The following GPR39 variants were observed in gnomAD, a reference collection of about 807,000 sequenced individuals.
GPR39 encodes the protein G protein-coupled receptor 39.
In GPR39, 23 loss-of-function variants were observed where a neutral mutation model predicts 18.4. That is an observed-to-expected ratio of 1.25 (90% confidence interval 0.90 to 1.77). The LOEUF (loss-of-function observed/expected upper bound fraction) is 1.77. Ranked by LOEUF, GPR39 falls within the 40% of genes most tolerant of loss-of-function variation. The pLI is 0.00. For missense variants in GPR39, 647 were observed against 602.4 expected (o/e 1.07, Z -0.78); for synonymous variants, 280 against 257.9 (o/e 1.09, Z -0.82).
chr2:132,517,581 G>A (rs1452677421), intron 1 of GPR39, among the ~76,000 whole-genome samples: 1 of 152,164 alleles, frequency 6.6e-6, no homozygotes, highest in Non-Finnish European at 1.5e-5. Flanking sequence ...AGTTATAAGG[G>A]AGGAAAGAGA....
intron 1 of GPR39, among the ~76,000 whole-genome samples, chr2:132,510,306 C>G (rs1340606354): frequency 1.3e-5 from 2 of 152,074 alleles, no homozygotes; most frequent in African/African-American, 4.8e-5. Context: ...AGCAAGAGAC[C>G]ACAGAAGCCT....
intron 1 of GPR39, among the ~76,000 whole-genome samples, chr2:132,440,897 G>A (rs763765279): frequency 1.1e-4 from 16 of 152,192 alleles, no homozygotes; most frequent in Non-Finnish European, 1.9e-4. Flanking sequence ...TGTGTGGTGG[G>A]GGTGCTCAGA....
rs573752051 is a variant in GPR39, at chr2:132,464,850, C to T, written c.856+46952C>T. On this transcript the variant is annotated intron_variant, in intron 1 of 1. Transcript: ENST00000329321. The stretch of plus-strand genomic sequence containing the variant: ...CTCTTGGAGACTCTAGCATATTAGT[C>T]TTGTTCTCTTACACGTTTTGTCTTC... 1.6e-4 allele frequency among the ~76,000 whole-genome samples: 25 copies of T among 152,298 alleles called. No homozygotes were observed. In the South Asian group the frequency reaches 5.0e-3, roughly 30 times the overall value.
intron 1 of GPR39, among the ~76,000 whole-genome samples, chr2:132,548,977 CGT>C (rs1466764524): frequency 1.3e-5 from 2 of 152,166 alleles, no homozygotes; most frequent in African/African-American, 2.4e-5. Flanking sequence ...GTCACAGATA[CGT>C]GTGTGTGTAT....
At chr2:132,524,614 T>C (rs545688904) in intron 1 of GPR39, among the ~76,000 whole-genome samples, 1 of 152,222 alleles carries the variant, frequency 6.6e-6, no homozygotes, top group Non-Finnish European at 1.5e-5. Flanking sequence ...AGCATCTTTG[T>C]CCCAAAATAC....
At chr2:132,434,898 A>G (rs895700079) in intron 1 of GPR39, among the ~76,000 whole-genome samples, 5 of 152,230 alleles carry the variant, frequency 3.3e-5, no homozygotes, top group African/African-American at 1.2e-4. Flanking sequence ...CTAAGACACC[A>G]CACCAGAGGA....
intron 1 of GPR39, among the ~76,000 whole-genome samples, chr2:132,509,184 A>G (rs1679188440): frequency 6.6e-6 from 1 of 152,222 alleles, no homozygotes; most frequent in African/African-American, 2.4e-5. Context: ...TCAGTATGCA[A>G]TCAGTCTCTC....
intron 1 of GPR39, among the ~76,000 whole-genome samples, chr2:132,434,290 G>A (rs1203833455): frequency 2.0e-5 from 3 of 152,138 alleles, no homozygotes; most frequent in Non-Finnish European, 2.9e-5. Context: ...TATTTATAAA[G>A]CTGCTAACTC....
intron 1 of GPR39, among the ~76,000 whole-genome samples, chr2:132,575,577 G>A (rs1164514303): frequency 6.6e-6 from 1 of 152,182 alleles, no homozygotes; most frequent in Non-Finnish European, 1.5e-5. Flanking sequence ...AGCAATGTAT[G>A]AGGGACACAG....
intron 1 of GPR39, among the ~76,000 whole-genome samples, chr2:132,456,708 T>C (rs1680735113): frequency 6.6e-6 from 1 of 152,204 alleles, no homozygotes; most frequent in Non-Finnish European, 1.5e-5. Flanking sequence ...TGCTTGTCTG[T>C]AAAGGATTTT....
intron 1 of GPR39, among the ~76,000 whole-genome samples, chr2:132,640,302 T>G (rs568740190): frequency 1.3e-5 from 2 of 152,334 alleles, no homozygotes. Flanking sequence ...TGCAGGGTGT[T>G]GTTAGACATC....
At chr2:132,490,455 G>A (rs1052996978) in intron 1 of GPR39, among the ~76,000 whole-genome samples, 6 of 151,852 alleles carry the variant, frequency 4.0e-5, no homozygotes, top group African/African-American at 1.5e-4. Flanking sequence ...TATACTTAAT[G>A]GTCATCTGCT....
chr2:132,551,567 T>G (rs1290963750), intron 1 of GPR39, among the ~76,000 whole-genome samples: 1 of 152,196 alleles, frequency 6.6e-6, no homozygotes, highest in East Asian at 1.9e-4. Context: ...TGGAAGGTTT[T>G]TGGTGTCTGA....
chr2:132,588,260 G>T (rs941459105), intron 1 of GPR39, among the ~76,000 whole-genome samples: 3 of 152,162 alleles, frequency 2.0e-5, no homozygotes, highest in African/African-American at 7.2e-5. Context: ...GGTTCTCTTC[G>T]CACTTGCACC....
chr2:132,623,760 G>C (rs953409581), intron 1 of GPR39, among the ~76,000 whole-genome samples: 3 of 152,130 alleles, frequency 2.0e-5, no homozygotes, highest in Non-Finnish European at 4.4e-5. Flanking sequence ...CAAAAATCCT[G>C]GAACCCCTTC....
chr2:132,576,671 C>G (rs902459577), intron 1 of GPR39, among the ~76,000 whole-genome samples: 1 of 151,934 alleles, frequency 6.6e-6, no homozygotes, highest in African/African-American at 2.4e-5. Flanking sequence ...GAAAACTAAA[C>G]TAAAACTAAG....
chr2:132,570,302 CCTT>C (rs984535265), intron 1 of GPR39, among the ~76,000 whole-genome samples: 14 of 152,146 alleles, frequency 9.2e-5, no homozygotes, highest in Admixed American at 1.3e-4. Flanking sequence ...GTCTCTGAGA[CCTT>C]CTCTCAGTTG....
chr2:132,483,475 A>T (rs1453395151), intron 1 of GPR39, among the ~76,000 whole-genome samples: 1 of 152,130 alleles, frequency 6.6e-6, no homozygotes, highest in Non-Finnish European at 1.5e-5. Context: ...GTGCTTTTGT[A>T]TGCCTTCCAT....
chr2:132,517,579 G>T (rs925152539), intron 1 of GPR39, among the ~76,000 whole-genome samples: 2 of 152,118 alleles, frequency 1.3e-5, no homozygotes, highest in African/African-American at 4.8e-5. Context: ...CCAGTTATAA[G>T]GGAGGAAAGA....
Sources: allele counts gnomAD v4.1 joint callset (sites outside exome capture counted in the v4.1 genomes callset), GRCh38; gene constraint gnomAD v4.1.1; transcripts MANE v1.5; gene names NCBI Gene and HGNC (gene_info 2026-07-23, HGNC 2026-07-21).